Variants in GRID2 observed in about 807,000 individuals in gnomAD.
GRID2 encodes the protein glutamate receptor ionotropic, delta-2.
GRID2 carries 33 observed loss-of-function variants against 114.8 expected under a neutral mutation model. The observed-to-expected ratio is 0.29, with a 90% confidence interval of 0.22 to 0.38. The LOEUF (loss-of-function observed/expected upper bound fraction) is 0.38, where lower values mean the gene tolerates loss of function less well. Ranked by LOEUF, GRID2 falls within the 10% of genes least tolerant of loss-of-function variation. The probability of loss-of-function intolerance (pLI) is 1.00; values close to 1 mark genes in which losing one functional copy is unlikely to be tolerated. For synonymous variants in GRID2, 505 were observed against 449.9 expected (o/e 1.12, Z -1.55); for missense variants, 1,184 against 1,257.7 (o/e 0.94, Z 0.89).
At chr4:92,511,734 A>G (rs1222345110) in intron 1 of GRID2, among the ~76,000 whole-genome samples, 1 of 151,926 alleles carries the variant, frequency 6.6e-6, no homozygotes, top group Non-Finnish European at 1.5e-5. Flanking sequence ...AAGCAAATCA[A>G]TGAAAGTTTT....
chr4:92,658,818 T>TATAC (rs1177514487), intron 2 of GRID2, among the ~76,000 whole-genome samples: 708 of 60,342 alleles, frequency 0.012, 11 homozygotes, highest in African/African-American at 0.033. Flanking sequence ...TATATATATA[T>TATAC]ACACACACAC....
At chr4:92,794,119 C>A (rs1206051583) in intron 2 of GRID2, among the ~76,000 whole-genome samples, 1 of 151,644 alleles carries the variant, frequency 6.6e-6, no homozygotes, top group Non-Finnish European at 1.5e-5. Context: ...TAAATCTTTT[C>A]TTTATTTTAT....
rs1313519188 is a variant in GRID2, at chr4:92,411,624, CATGTGT to C, written c.88+106881_88+106886del. Among the ~76,000 whole-genome samples, 71 of 90,354 alleles carry C rather than the reference CATGTGT, an allele frequency of 7.9e-4. 3 individuals are homozygous for C. Among genetic ancestry groups the C allele is most frequent in the South Asian group, 2.9e-3 (8 of 2,746 alleles). The allele number at this position is 90,354 out of a possible 152,430, so 59.3% of individuals were successfully genotyped here. A position where few individuals can be genotyped will look rare whatever the true frequency, so the allele number is the denominator to read the frequency against. ...TGTGCATTATATATAGATATATATG[CATGTGT>C]GTGTGTGTGTGTGTGTGTGTGTGTG... On this transcript the variant is annotated intron_variant, in intron 1 of 15. Transcript: ENST00000282020.
chr4:92,533,307 T>C (rs1725443161), intron 1 of GRID2, among the ~76,000 whole-genome samples: 1 of 151,490 alleles, frequency 6.6e-6, no homozygotes, highest in East Asian at 1.9e-4. Context: ...CACACACACA[T>C]ACACACAGAA....
chr4:92,569,895 C>T (rs973808514), intron 1 of GRID2, among the ~76,000 whole-genome samples: 1 of 152,026 alleles, frequency 6.6e-6, no homozygotes, highest in Non-Finnish European at 1.5e-5. Flanking sequence ...AAAACTTTCT[C>T]CCATTCTGTA....
At chr4:93,563,748 C>T (rs1458834453) in intron 13 of GRID2, among the ~76,000 whole-genome samples, 1 of 151,874 alleles carries the variant, frequency 6.6e-6, no homozygotes, top group Non-Finnish European at 1.5e-5. Flanking sequence ...TGCCTTGGTA[C>T]ATAGATTAGC....
intron 1 of GRID2, among the ~76,000 whole-genome samples, chr4:92,369,732 A>C (rs2110215911): frequency 1.3e-5 from 2 of 152,306 alleles, no homozygotes; most frequent in Middle Eastern, 6.8e-3. Flanking sequence ...TCTTACATAG[A>C]ACCACATAGA....
At chr4:92,961,301 A>G (rs2149154848) in intron 2 of GRID2, among the ~76,000 whole-genome samples, 1 of 149,576 alleles carries the variant, frequency 6.7e-6, no homozygotes, top group East Asian at 2.0e-4. Context: ...TTTCTGATCT[A>G]TTTCAGTTTT....
At position 93,007,987 on chromosome 4, in the gene GRID2, A is replaced by T. The variant is rs556486852; in HGVS notation, c.245-77008A>T. On this transcript the variant is annotated intron_variant, in intron 2 of 15. Transcript: ENST00000282020. ...GAAGTGGAGGTTGCAGTGAGCCAAG[A>T]TCGTGCCATTACACTTCAGCCTGGG... Among the ~76,000 whole-genome samples the T allele has an allele frequency of 2.0e-5, 3 of 149,642 alleles. No individual in the cohort carries two copies. In the East Asian group the frequency reaches 6.0e-4, roughly 30 times the overall value.
chr4:93,370,472 C>A (rs909280481), intron 8 of GRID2, among the ~76,000 whole-genome samples: 24 of 147,066 alleles, frequency 1.6e-4, no homozygotes, highest in Non-Finnish European at 1.5e-4. Flanking sequence ...AACACGCACA[C>A]AGAGACACAC....
At position 92,475,129 on chromosome 4, in the gene GRID2, A is replaced by AAAT. The variant is rs138643012; in HGVS notation, c.89-114978_89-114976dup. On this transcript the variant is annotated intron_variant, in intron 1 of 15. Coordinates refer to ENST00000282020, the MANE Select transcript of GRID2 (RefSeq NM_001510.4). ...AAACTTAAAGTATAATAATAATAAT[A>AAAT]AATAATAATAATAATAATAATAATA... Among the ~76,000 whole-genome samples, 706 of 144,844 alleles carry AAAT rather than the reference A, an allele frequency of 4.9e-3. 6 individuals are homozygous for AAAT. The highest frequency in any genetic ancestry group is 0.012 in the African/African-American group (474 of 39,474).
intron 1 of GRID2, among the ~76,000 whole-genome samples, chr4:92,559,220 A>G (rs1437965898): frequency 6.6e-6 from 1 of 152,172 alleles, no homozygotes. Flanking sequence ...TAAAGCACAT[A>G]TAATTTGTAT....
intron 1 of GRID2, among the ~76,000 whole-genome samples, chr4:92,482,154 T>C (rs1004684028): frequency 6.6e-6 from 1 of 150,908 alleles, no homozygotes; most frequent in Non-Finnish European, 1.5e-5. Flanking sequence ...AGTGAAATCA[T>C]GTCCTTTGTA....
chr4:93,785,138 G>C (rs765077602), intron 1 of GRID2, among the ~76,000 whole-genome samples: 1 of 152,144 alleles, frequency 6.6e-6, no homozygotes, highest in Non-Finnish European at 1.5e-5. Flanking sequence ...GAACACATGG[G>C]CCAGGAAAAG....
At chr4:93,714,632 G>A (rs746384987) in intron 14 of GRID2, among the ~76,000 whole-genome samples, 40 of 152,170 alleles carry the variant, frequency 2.6e-4, no homozygotes, top group Non-Finnish European at 5.6e-4. Context: ...TCTGACTGGT[G>A]TGAGTTGGTA....
chr4:93,181,376 A>G (rs1472529512), intron 4 of GRID2, among the ~76,000 whole-genome samples: 1 of 152,204 alleles, frequency 6.6e-6, no homozygotes, highest in Non-Finnish European at 1.5e-5. Flanking sequence ...GAGTGCAGGT[A>G]GAATACATTT....
At chr4:93,096,641 A>G (rs554031029) in intron 3 of GRID2, among the ~76,000 whole-genome samples, 6 of 152,122 alleles carry the variant, frequency 3.9e-5, no homozygotes, top group Non-Finnish European at 8.8e-5. Context: ...TTAAATTACA[A>G]GGAGATGCCA....
chr4:93,333,337 A>T (rs1302098916), intron 8 of GRID2, among the ~76,000 whole-genome samples: 1 of 152,178 alleles, frequency 6.6e-6, no homozygotes, highest in Admixed American at 6.5e-5. Flanking sequence ...TGGTCTATAG[A>T]CTGCACTTTT....
intron 2 of GRID2, among the ~76,000 whole-genome samples, chr4:93,027,143 C>T (rs1041531971): frequency 1.5e-4 from 23 of 152,028 alleles, no homozygotes; most frequent in African/African-American, 5.5e-4. Context: ...TGTGTGGAAG[C>T]AGTGTTTTTT....
Sources: gnomAD v4.1 joint callset for allele counts (sites outside exome capture counted in the v4.1 genomes callset) on GRCh38, gnomAD v4.1.1 for gene constraint, MANE v1.5 for transcripts, NCBI Gene and HGNC (gene_info 2026-07-23, HGNC 2026-07-21) for gene names.